The following TMEM132C variants were observed in gnomAD, a reference collection of about 807,000 sequenced individuals.
TMEM132C encodes the protein transmembrane protein 132C.
A neutral mutation model predicts 61.4 loss-of-function variants in TMEM132C; 29 were observed. The observed-to-expected ratio is 0.47, with a 90% confidence interval of 0.35 to 0.64. The LOEUF is 0.64. TMEM132C is among the 30% of genes least tolerant of loss of function. The probability of loss-of-function intolerance (pLI) is 0.00; values close to 1 mark genes in which losing one functional copy is unlikely to be tolerated. For synonymous variants in TMEM132C, 656 were observed against 633.1 expected (o/e 1.04, Z -0.54); for missense variants, 1,408 against 1,476.9 (o/e 0.95, Z 0.76).
At chr12:128,324,781 T>C (rs977512403) in intron 1 of TMEM132C, among the ~76,000 whole-genome samples, 5 of 152,088 alleles carry the variant, frequency 3.3e-5, no homozygotes, top group African/African-American at 9.7e-5. Flanking sequence ...TGAACCATGA[T>C]TGTACCACTG....
chr12:128,370,050 T>C lies in TMEM132C; in HGVS notation c.86-44682T>C, dbSNP rs550681787. Among the ~76,000 whole-genome samples the C allele has an allele frequency of 8.3e-4, 126 of 152,356 alleles. No individual in the cohort carries two copies. The Middle Eastern group carries it at 0.01, about 12-fold the overall frequency. ...GTCTTCCCTTTTTGCACTAAATTTTTCTGCCTTTCCATATCTGCCAGAGTC... is the reference window on the plus strand; with the variant it reads ...GTCTTCCCTTTTTGCACTAAATTTTCCTGCCTTTCCATATCTGCCAGAGTC... On this transcript the variant is annotated intron_variant, in intron 1 of 8. Coordinates refer to ENST00000435159, the MANE Select transcript of TMEM132C (RefSeq NM_001136103.3).
intron 2 of TMEM132C, among the ~76,000 whole-genome samples, chr12:128,444,798 G>A (rs1430017651): frequency 2.0e-5 from 3 of 152,330 alleles, no homozygotes; most frequent in Admixed American, 6.5e-5. Flanking sequence ...TTCTCTCTCT[G>A]TTCCCTCTCT....
chr12:128,447,281 G>C (rs1194559617), intron 2 of TMEM132C, among the ~76,000 whole-genome samples: 1 of 152,130 alleles, frequency 6.6e-6, no homozygotes. Context: ...CCTGTGGCAG[G>C]GAGAGAAAGA....
chr12:128,625,292 C>T (rs1190574035), intron 4 of TMEM132C, among the ~76,000 whole-genome samples: 2 of 152,194 alleles, frequency 1.3e-5, no homozygotes, highest in African/African-American at 2.4e-5. Context: ...AGTTCAAGAT[C>T]AGCAGGTTCA....
chr12:128,639,016 G>GGTGGTGATGA (rs1565999067), intron 4 of TMEM132C, among the ~76,000 whole-genome samples: 8 of 73,146 alleles, frequency 1.1e-4, no homozygotes, highest in African/African-American at 3.8e-4. Flanking sequence ...GATGATGGTG[G>GGTGGTGATGA]TGATGGTGAT....
At chr12:128,319,624 G>A (rs1463291016) in intron 1 of TMEM132C, among the ~76,000 whole-genome samples, 4 of 152,002 alleles carry the variant, frequency 2.6e-5, no homozygotes, top group Admixed American at 2.6e-4. Context: ...TTAGGAGTTC[G>A]AGACCAGCCT....
chr12:128,579,757 A>T (rs1248787270), intron 3 of TMEM132C, among the ~76,000 whole-genome samples: 1 of 152,156 alleles, frequency 6.6e-6, no homozygotes, highest in African/African-American at 2.4e-5. Flanking sequence ...GAGAAGAATG[A>T]TTAACTGAGT....
At chr12:128,598,841 G>C (rs1222834841) in intron 3 of TMEM132C, among the ~76,000 whole-genome samples, 1 of 151,162 alleles carries the variant, frequency 6.6e-6, no homozygotes, top group Non-Finnish European at 1.5e-5. Flanking sequence ...AGGTGGGGCT[G>C]GGGTGGGGCT....
At chr12:128,338,470 T>C (rs12812508) in intron 1 of TMEM132C, among the ~76,000 whole-genome samples, 10,445 of 152,100 alleles carry the variant, frequency 0.069, 865 homozygotes, top group African/African-American at 0.21. Flanking sequence ...AATGCCCTTA[T>C]TGAGTATGTG....
At chr12:128,500,226 G>A (rs1481118849) in intron 2 of TMEM132C, among the ~76,000 whole-genome samples, 1 of 152,178 alleles carries the variant, frequency 6.6e-6, no homozygotes, top group African/African-American at 2.4e-5. Context: ...ACTTGGAAGA[G>A]CTAAAACTTG....
chr12:128,345,924 C>G (rs552507316), intron 1 of TMEM132C, among the ~76,000 whole-genome samples: 1 of 152,094 alleles, frequency 6.6e-6, no homozygotes, highest in Non-Finnish European at 1.5e-5. Context: ...GATTTTGTTG[C>G]AATTGCTTTT....
chr12:128,659,566 G>A (rs1178829570), intron 4 of TMEM132C, among the ~76,000 whole-genome samples: 1 of 152,210 alleles, frequency 6.6e-6, no homozygotes, highest in Non-Finnish European at 1.5e-5. Context: ...TGTGGAGGGG[G>A]AGCATTCGCC....
chr12:128,347,395 A>ATCTCTCTCTC (rs1565908097), intron 1 of TMEM132C, among the ~76,000 whole-genome samples: 1 of 108,440 alleles, frequency 9.2e-6, no homozygotes, highest in African/African-American at 4.8e-5. Flanking sequence ...ATGCATATGT[A>ATCTCTCTCTC]TGTCTCTCTC....
intron 5 of TMEM132C, among the ~76,000 whole-genome samples, chr12:128,673,726 G>A (rs1371194030): frequency 1.3e-5 from 2 of 152,210 alleles, no homozygotes; most frequent in African/African-American, 4.8e-5. Flanking sequence ...GTGCAGCCTT[G>A]AGTGAATCAT....
chr12:128,275,993 G>A (rs1320983095), intron 1 of TMEM132C, among the ~76,000 whole-genome samples: 1 of 152,042 alleles, frequency 6.6e-6, no homozygotes, highest in East Asian at 1.9e-4. Context: ...TCTTCACATG[G>A]CCTCCCATTC....
chr12:128,356,600 G>A (rs1195895179), intron 1 of TMEM132C, among the ~76,000 whole-genome samples: 5 of 152,216 alleles, frequency 3.3e-5, no homozygotes, highest in Non-Finnish European at 5.9e-5. Context: ...TGCATGTTAA[G>A]TAGGTTCAGC....
chr12:128,669,428 T>C lies in TMEM132C; in HGVS notation c.1317T>C (p.Ile439=). Residue 439 remains isoleucine, a synonymous_variant, in exon 5 of 9, where the codon ATT becomes ATC. Transcript: ENST00000435159. ...GIVPLAMDTE[I]LNTAVLTGKT... ...ATTCTTTTTGGCAGGACACTGAAAT[T>C]CTGAACACCGCCGTACTCACAGGAA... The C allele has an allele frequency of 6.4e-7, 1 of 1,551,536 alleles. No individual in the cohort carries two copies.
At chr12:128,656,057 T>G (rs1169892189) in intron 4 of TMEM132C, among the ~76,000 whole-genome samples, 1 of 152,194 alleles carries the variant, frequency 6.6e-6, no homozygotes, top group Admixed American at 6.5e-5. Flanking sequence ...TTTGTTTGTT[T>G]GTTTGTTTTT....
intron 5 of TMEM132C, among the ~76,000 whole-genome samples, chr12:128,685,026 C>T (rs1219601172): frequency 6.6e-6 from 1 of 152,128 alleles, no homozygotes. Context: ...GGTGAATGTC[C>T]TGAAACGGTG....
Sources: allele counts gnomAD v4.1 joint callset (sites outside exome capture counted in the v4.1 genomes callset), GRCh38; gene constraint gnomAD v4.1.1; transcripts MANE v1.5; gene names NCBI Gene and HGNC (gene_info 2026-07-23, HGNC 2026-07-21).